The following IFIH1 variants were observed in gnomAD, a reference collection of about 807,000 sequenced individuals.
IFIH1 encodes the protein interferon induced with helicase C domain 1.
A neutral mutation model predicts 107.4 loss-of-function variants in IFIH1; 125 were observed. The ratio of observed to expected loss-of-function variants is 1.16; its 90% confidence interval spans 1.01 to 1.35. The LOEUF is 1.35. Ranked by LOEUF, IFIH1 falls within the 40% of genes most tolerant of loss-of-function variation. The pLI is 0.00. For synonymous variants in IFIH1, 458 were observed against 413.2 expected (o/e 1.11, Z -1.31); for missense variants, 1,333 against 1,213.7 (o/e 1.10, Z -1.46).
At chr2:162,311,858 G>A (rs796911922) in intron 1 of IFIH1, among the ~76,000 whole-genome samples, 27 of 152,218 alleles carry the variant, frequency 1.8e-4, no homozygotes, top group African/African-American at 6.3e-4. Flanking sequence ...AAATTTCAGA[G>A]TTTCTATATC....
In IFIH1 at chr2:162,273,520, G is replaced by T. The variant is rs41463049; in HGVS notation, c.2454+275C>A. On this transcript the variant is annotated intron_variant, in intron 12 of 15. Coordinates refer to ENST00000649979, the MANE Select transcript of IFIH1 (RefSeq NM_022168.4). ...GAGGCTGCTTTTGACTCTTACAAAT[G>T]GGGCTAGTGTCATGGTCCTGGAAAG... 0.035 allele frequency among the ~76,000 whole-genome samples: 5,321 copies of T among 152,210 alleles called. 457 individuals carry two copies. Among genetic ancestry groups the T allele is most frequent in the Admixed American group, 0.21 (3,190 of 15,272 alleles).
At position 162,312,991 on chromosome 2, in the gene IFIH1, A is replaced by G. The variant is rs151330681; in HGVS notation, c.454-2058T>C. ...CTTCAACCACTATTCTATTAAGTCA[A>G]CTTTTACTGTGGAATCATATTTTTC... On this transcript the variant is annotated intron_variant, in intron 1 of 15. Transcript: ENST00000649979. 1.9e-3 allele frequency among the ~76,000 whole-genome samples: 286 copies of G among 152,286 alleles called. 4 individuals are homozygous for G. The highest frequency in any genetic ancestry group is 6.4e-3 in the African/African-American group (268 of 41,568).
intron 6 of IFIH1, 125 bp from the exon 7 acceptor site, chr2:162,281,670 A>G (rs943560839): frequency 1.6e-6 from 1 of 638,092 alleles, no homozygotes; most frequent in Non-Finnish European, 2.7e-6. Context: ...AGAGCAGTCC[A>G]CTTTCAGTTT....
At chr2:162,282,649 G>A (rs900459001) in intron 5 of IFIH1, 73 bp from the exon 6 acceptor site, 1 of 910,192 alleles carries the variant, frequency 1.1e-6, no homozygotes, top group Admixed American at 2.4e-5. Flanking sequence ...TCAAAGGCCT[G>A]TTTGGCATCC....
intron 3 of IFIH1, among the ~76,000 whole-genome samples, chr2:162,294,264 T>G (rs1414599566): frequency 1.3e-5 from 2 of 151,956 alleles, no homozygotes; most frequent in Non-Finnish European, 2.9e-5. Flanking sequence ...TATAATTAGA[T>G]TAAGCCTCTA....
chr2:162,309,280 G>A (rs1683349040), intron 2 of IFIH1, among the ~76,000 whole-genome samples: 1 of 152,162 alleles, frequency 6.6e-6, no homozygotes. Context: ...TTTCTGTGAG[G>A]ATAGCTCTGC....
chr2:162,276,438 A>G (rs1268636740), intron 11 of IFIH1, among the ~76,000 whole-genome samples: 1 of 152,094 alleles, frequency 6.6e-6, no homozygotes, highest in Non-Finnish European at 1.5e-5. Context: ...CACCTTTTCT[A>G]CAAAAAAGAT....
At chr2:162,275,612 T>G (rs1401554848) in intron 11 of IFIH1, among the ~76,000 whole-genome samples, 1 of 152,074 alleles carries the variant, frequency 6.6e-6, no homozygotes, top group African/African-American at 2.4e-5. Context: ...TTTCAAGAAT[T>G]TTTTTCCAGC....
intron 2 of IFIH1, 118 bp from the exon 3 acceptor site, chr2:162,306,973 A>C: frequency 5.4e-6 from 4 of 743,062 alleles, no homozygotes; most frequent in Non-Finnish European, 8.7e-6. Flanking sequence ...GATTGCCTGA[A>C]TATATTTAAA....
rs971100872 is a variant in IFIH1, at chr2:162,318,492, C to CTGGGCAGG, written c.-193_-186dup. The CTGGGCAGG allele has an allele frequency of 2.2e-6, 1 of 460,074 alleles. No individual in the cohort carries two copies. The highest frequency in any genetic ancestry group is 2.0e-5 in the African/African-American group (1 of 49,514). The allele number at this position is 460,074 out of a possible 1,614,324, so 28.5% of individuals were successfully genotyped here. ...CCGGCGCGCGGGGCTGCACTCGCAC[C>CTGGGCAGG]TGGGCAGGTGGGCAGGCGGGCAGGT... On this transcript the variant is annotated 5_prime_UTR_variant, in exon 1 of 16. Transcript: ENST00000649979.
intron 2 of IFIH1, among the ~76,000 whole-genome samples, chr2:162,308,388 T>A (rs1378296559): frequency 6.6e-6 from 1 of 151,836 alleles, no homozygotes; most frequent in African/African-American, 2.4e-5. Flanking sequence ...AATCTTTTTT[T>A]TTTTTTTTTG....
intron 3 of IFIH1, among the ~76,000 whole-genome samples, chr2:162,297,214 C>T (rs1173695037): frequency 6.6e-6 from 1 of 152,004 alleles, no homozygotes; most frequent in Non-Finnish European, 1.5e-5. Flanking sequence ...AAAATTAAAC[C>T]GACCTATTGA....
chr2:162,290,838 A>G (rs1351660370), intron 4 of IFIH1, among the ~76,000 whole-genome samples: 1 of 151,886 alleles, frequency 6.6e-6, no homozygotes, highest in African/African-American at 2.4e-5. Context: ...TGAGTGCTAA[A>G]TATTCAGCCT....
intron 11 of IFIH1, 96 bp downstream of exon 11, chr2:162,276,591 C>A (rs772810037): frequency 3.0e-6 from 4 of 1,340,570 alleles, no homozygotes; most frequent in Non-Finnish European, 4.1e-6. Context: ...AGTGACAGAG[C>A]GAGGCCTCGT....
At chr2:162,314,940 A>AAT (rs1418166692) in intron 1 of IFIH1, among the ~76,000 whole-genome samples, 5 of 152,220 alleles carry the variant, frequency 3.3e-5, no homozygotes, top group African/African-American at 1.2e-4. Flanking sequence ...TGAATGAATG[A>AAT]GTGAATGAAT....
At chr2:162,301,985 T>A (rs932368638) in intron 3 of IFIH1, among the ~76,000 whole-genome samples, 1 of 152,196 alleles carries the variant, frequency 6.6e-6, no homozygotes, top group African/African-American at 2.4e-5. Flanking sequence ...ACCACTTTTT[T>A]AATGAGAAGC....
chr2:162,272,138 G>T, intron 13 of IFIH1, 88 bp downstream of exon 13: 2 of 1,028,102 alleles, frequency 1.9e-6, no homozygotes, highest in Non-Finnish European at 3.0e-6. Context: ...CACAATTTTT[G>T]TCTGGAGAAT....
chr2:162,300,040 G>A (rs1683165610), intron 3 of IFIH1, among the ~76,000 whole-genome samples: 2 of 152,100 alleles, frequency 1.3e-5, no homozygotes, highest in African/African-American at 4.8e-5. Flanking sequence ...TTCTTTTACA[G>A]ATCTTCTCTC....
At chr2:162,279,861 T>C in intron 8 of IFIH1, 135 bp downstream of exon 8, 1 of 647,088 alleles carries the variant, frequency 1.5e-6, no homozygotes, top group Non-Finnish European at 2.7e-6. Context: ...TAACATCAAT[T>C]AAAAAAAAAC....
Sources: gnomAD v4.1 joint callset for allele counts (sites outside exome capture counted in the v4.1 genomes callset) on GRCh38, gnomAD v4.1.1 for gene constraint, MANE v1.5 for transcripts, NCBI Gene and HGNC (gene_info 2026-07-23, HGNC 2026-07-21) for gene names.